The following NOTCH2 variants were observed in gnomAD, a reference collection of about 807,000 sequenced individuals.
NOTCH2 encodes the protein neurogenic locus notch homolog protein 2.
In NOTCH2, 29 loss-of-function variants were observed where a neutral mutation model predicts 235.8. That is an observed-to-expected ratio of 0.12 (90% CI 0.09 to 0.17). NOTCH2 has a LOEUF of 0.17. Ranked by LOEUF, NOTCH2 falls within the 10% of genes least tolerant of loss-of-function variation. The probability of loss-of-function intolerance (pLI) is 1.00; values close to 1 mark genes in which losing one functional copy is unlikely to be tolerated. For missense variants in NOTCH2, 2,285 were observed against 3,150.2 expected, an observed-to-expected ratio of 0.73 and a Z score of 6.57; for synonymous variants, 1,086 against 1,141.5, an observed-to-expected ratio of 0.95 and a Z score of 0.98.
In NOTCH2 at chr1:119,959,491, C is replaced by T. The variant is rs993565793; in HGVS notation, c.1927G>A (p.Glu643Lys). ...CTTGCACAGTCATCAAAATTAATTT[C>T]ACAATTAACCCCTGGAAGAGAAAAC... ...CQPGTSGVNC[E>K]INFDDCASNP... The change falls in exon 12 of 34, where the codon GAA becomes AAA. Residue 643 changes from glutamate to lysine, a missense_variant. Glu to Lys is a moderately conservative substitution (Grantham distance 56). Coordinates refer to ENST00000256646, the MANE Select transcript of NOTCH2 (RefSeq NM_024408.4). 1.3e-6 allele frequency: 2 copies of T among 1,572,594 alleles called. No individual in the cohort carries two copies. Among genetic ancestry groups the T allele is most frequent in the African/African-American group, 2.7e-5 (2 of 74,056 alleles).
At chr1:120,000,932 A>G (rs1236260422) in intron 3 of NOTCH2, among the ~76,000 whole-genome samples, 2 of 151,856 alleles carry the variant, frequency 1.3e-5, no homozygotes, top group Non-Finnish European at 2.9e-5. Flanking sequence ...CTTGAATTGT[A>G]TCTCCCAGAA....
chr1:119,988,032 T>G (rs782141099), intron 4 of NOTCH2, among the ~76,000 whole-genome samples: 95 of 152,168 alleles, frequency 6.2e-4, no homozygotes, highest in Non-Finnish European at 1.2e-3. Context: ...TTCTCCTATT[T>G]GAAATATAGT....
chr1:119,978,423 T>C (rs1307641067), intron 5 of NOTCH2, among the ~76,000 whole-genome samples: 12 of 152,170 alleles, frequency 7.9e-5, no homozygotes, highest in Non-Finnish European at 1.8e-4. Context: ...GAAAGTCCAC[T>C]CTGCTGCAGT....
intron 1 of NOTCH2, among the ~76,000 whole-genome samples, chr1:120,060,513 C>T (rs1156830787): frequency 6.7e-6 from 1 of 149,650 alleles, no homozygotes; most frequent in African/African-American, 2.5e-5. Flanking sequence ...GGTAAAAAAA[C>T]CAAAGACGTA....
intron 5 of NOTCH2, among the ~76,000 whole-genome samples, chr1:119,977,014 C>G (rs1651609688): frequency 6.6e-6 from 1 of 152,062 alleles, no homozygotes. Context: ...TAGTACAGTT[C>G]AAAATTTTAT....
intron 25 of NOTCH2, 145 bp downstream of exon 25, chr1:119,925,160 G>A (rs1179598847): frequency 3.1e-6 from 3 of 955,156 alleles, no homozygotes; most frequent in African/African-American, 1.6e-5. Context: ...AGAGCACAGG[G>A]CAGTGTGCGA....
chr1:119,986,007 C>G (rs1652006296), intron 5 of NOTCH2, among the ~76,000 whole-genome samples: 1 of 152,132 alleles, frequency 6.6e-6, no homozygotes, highest in African/African-American at 2.4e-5. Flanking sequence ...TTTTTCTATT[C>G]ATAGTCTACA....
chr1:119,974,452 C>G (rs1651485546), intron 5 of NOTCH2, among the ~76,000 whole-genome samples: 1 of 152,176 alleles, frequency 6.6e-6, no homozygotes, highest in African/African-American at 2.4e-5. Context: ...CACAATGACT[C>G]TGGAATAATC....
intron 23 of NOTCH2, 96 bp from the exon 24 acceptor site, chr1:119,926,707 G>GAAGC (rs1439285990): frequency 2.1e-6 from 2 of 941,570 alleles, no homozygotes; most frequent in Non-Finnish European, 3.4e-6. Flanking sequence ...AGCCATAGGT[G>GAAGC]AAGCAAGTGT....
chr1:120,065,787 G>T (rs1472000149), intron 1 of NOTCH2, among the ~76,000 whole-genome samples: 1 of 152,194 alleles, frequency 6.6e-6, no homozygotes, highest in Non-Finnish European at 1.5e-5. Flanking sequence ...ACAAAAACAG[G>T]AAAATCAGGA....
intron 11 of NOTCH2, among the ~76,000 whole-genome samples, chr1:119,962,707 TC>T (rs1650983203): frequency 6.6e-6 from 1 of 152,198 alleles, no homozygotes; most frequent in South Asian, 2.1e-4. Context: ...AATAAATCAC[TC>T]CTTTATATTG....
rs1553204299 is a variant in NOTCH2 at position 119,997,071 on chromosome 1, G to A, written c.677C>T (p.Ala226Val). ...GCCTCCATTGACACAAGGTGAGGGT[G>A]CACAGGGCACATACAGGCTGTCACA... Reference protein sequence around the residue: ...QYCDSLYVPCAPSPCVNGGTC... With the variant: ...QYCDSLYVPCVPSPCVNGGTC... Residue 226 changes from alanine (A) to valine (V), a missense_variant, in exon 4 of 34, where the codon GCA becomes GTA. Physicochemically the swap from Ala to Val is moderately conservative, Grantham distance 64. Coordinates refer to ENST00000256646, the MANE Select transcript of NOTCH2 (RefSeq NM_024408.4). 1.2e-6 allele frequency: 2 copies of A among 1,614,018 alleles called. No individual in the cohort carries two copies. The highest frequency in any genetic ancestry group is 1.7e-5 in the Admixed American group (1 of 60,022).
chr1:119,948,581 C>T lies in NOTCH2; in HGVS notation c.2600-15G>A, dbSNP rs587631932. 6.2e-7 allele frequency: 1 copy of T among 1,614,060 alleles called. No homozygotes were observed. The highest frequency in any genetic ancestry group is 1.1e-5 in the South Asian group (1 of 91,080). On this transcript the variant is annotated splice_polypyrimidine_tract_variant and intron_variant, in intron 16 of 33. Transcript: ENST00000256646. The stretch of plus-strand genomic sequence containing the variant: ...ACACCGCTGACCTAGGAACACAGGG[C>T]CAATAAATGACCTAGTCCTTGGAAG...
Position 119,912,448 on chromosome 1 carries a change from A to G in NOTCH2, c.*2858T>C. 2 of 233,510 alleles carry G rather than the reference A, an allele frequency of 8.6e-6. No individual in the cohort carries two copies. The highest frequency in any genetic ancestry group is 6.1e-5 in the East Asian group (1 of 16,500). 14.5% of individuals were successfully genotyped at this position (233,510 alleles called of 1,614,324 possible). A position where few individuals can be genotyped will look rare whatever the true frequency, so the allele number is the denominator to read the frequency against. ...ATTGGCAAATTCAATAAGAGGATGC[A>G]ATGGATTTGAGCATCACAGCCAATT... On this transcript the variant is annotated 3_prime_UTR_variant, in exon 34 of 34. Coordinates refer to ENST00000256646, the MANE Select transcript of NOTCH2 (RefSeq NM_024408.4).
rs587759454 is a variant in NOTCH2 at position 119,978,817 on chromosome 1, GT to G, written c.874+8142del. Among the ~76,000 whole-genome samples, 37 of 152,330 alleles carry G rather than the reference GT, an allele frequency of 2.4e-4. No individual in the cohort carries two copies. The East Asian group carries it at 6.8e-3, about 28-fold the overall frequency. On this transcript the variant is annotated intron_variant, in intron 5 of 33. Coordinates refer to ENST00000256646, the MANE Select transcript of NOTCH2 (RefSeq NM_024408.4). ...AAAACTAGCTGCAGCCAGGTTGAGA[GT>G]GAGGGGATCCAGGGGAACACCCACC...
chr1:119,949,946 C>T (rs188080274), intron 15 of NOTCH2, among the ~76,000 whole-genome samples: 2 of 151,824 alleles, frequency 1.3e-5, no homozygotes, highest in Non-Finnish European at 2.9e-5. Context: ...AGGAGATAAA[C>T]AAGCCATAGA....
intron 2 of NOTCH2, among the ~76,000 whole-genome samples, chr1:120,009,720 C>G: frequency 6.7e-6 from 1 of 148,508 alleles, no homozygotes; most frequent in African/African-American, 2.6e-5. Context: ...GCTAACCACT[C>G]CACGCACCGT....
chr1:120,060,450 A>AATATATAT (rs782431280), intron 1 of NOTCH2, among the ~76,000 whole-genome samples: 1 of 139,862 alleles, frequency 7.1e-6, no homozygotes, highest in South Asian at 2.2e-4. Context: ...TCATAAACTA[A>AATATATAT]ATATATATAT....
Position 119,911,604 on chromosome 1 carries a change from T to G in NOTCH2, c.*3702A>C, listed in dbSNP as rs1343217408. 8.6e-6 allele frequency: 2 copies of G among 231,738 alleles called. No individual in the cohort carries two copies. Among genetic ancestry groups the G allele is most frequent in the Non-Finnish European group, 1.7e-5 (2 of 117,254 alleles). 14.4% of individuals were successfully genotyped at this position (231,738 alleles called of 1,614,324 possible). A position where few individuals can be genotyped will look rare whatever the true frequency, so the allele number is the denominator to read the frequency against. ...TATAAATAAATGTATGAATGTGAAC[T>G]TATAACAAATTTATACACAAAATAT... On this transcript the variant is annotated 3_prime_UTR_variant, in exon 34 of 34. Coordinates refer to ENST00000256646, the MANE Select transcript of NOTCH2 (RefSeq NM_024408.4).
Sources: allele counts gnomAD v4.1 joint callset (sites outside exome capture counted in the v4.1 genomes callset), GRCh38; gene constraint gnomAD v4.1.1; transcripts MANE v1.5; gene names NCBI Gene and HGNC (gene_info 2026-07-23, HGNC 2026-07-21).